Variants in REPS1 observed in about 807,000 individuals in gnomAD.
REPS1 encodes the protein ralBP1-associated Eps domain-containing protein 1.
A neutral mutation model predicts 100.9 loss-of-function variants in REPS1; 39 were observed. That is an observed-to-expected ratio of 0.39 (90% CI 0.30 to 0.50). The LOEUF is 0.50. REPS1 is among the 20% of genes least tolerant of loss of function. The probability of loss-of-function intolerance (pLI) is 0.86; values close to 1 mark genes in which losing one functional copy is unlikely to be tolerated. For missense variants in REPS1, 821 were observed against 968.5 expected, an observed-to-expected ratio of 0.85 and a Z score of 2.02; for synonymous variants, 324 against 340.3, an observed-to-expected ratio of 0.95 and a Z score of 0.53.
chr6:138,928,746 G>A (rs1781301493), intron 9 of REPS1: 1 of 152,088 alleles, frequency 6.6e-6, no homozygotes, highest in Non-Finnish European at 1.5e-5. Flanking sequence ...TGTAATACTG[G>A]TTTTTAAAAA....
chr6:138,969,058 G>C (rs1000259740), intron 1 of REPS1, among the ~76,000 whole-genome samples: 1 of 152,072 alleles, frequency 6.6e-6, no homozygotes, highest in Non-Finnish European at 1.5e-5. Flanking sequence ...ATATTGTATA[G>C]AATGTGCTAA....
chr6:138,944,194 C>T (rs1052533257), intron 5 of REPS1, among the ~76,000 whole-genome samples, 179 bp from the exon 6 acceptor site: 2 of 152,142 alleles, frequency 1.3e-5, no homozygotes, highest in Middle Eastern at 3.4e-3. Context: ...ATTATAGAAA[C>T]GAGTAGAATG....
chr6:138,947,527 T>C (rs1262366106), intron 2 of REPS1, among the ~76,000 whole-genome samples: 4 of 152,192 alleles, frequency 2.6e-5, no homozygotes, highest in Admixed American at 2.6e-4. Context: ...TTTTGGTAAA[T>C]TAATTCTTAA....
chr6:138,903,904 C>T lies in REPS1; in HGVS notation c.*1160G>A, dbSNP rs1034307147. 3.9e-5 allele frequency: 6 copies of T among 152,106 alleles called. No individual in the cohort carries two copies. Among genetic ancestry groups the T allele is most frequent in the Admixed American group, 3.9e-4 (6 of 15,284 alleles). 9.4% of individuals were successfully genotyped at this position (152,106 alleles called of 1,614,324 possible). ...TTTACAGTAACAAAGTCTATCGGTGCAGTTTAGGACTGTGAATCTATAGTA... is the reference window on the plus strand; with the variant it reads ...TTTACAGTAACAAAGTCTATCGGTGTAGTTTAGGACTGTGAATCTATAGTA... On this transcript the variant is annotated 3_prime_UTR_variant, in exon 20 of 20. Coordinates refer to ENST00000450536, the MANE Select transcript of REPS1 (RefSeq NM_001286611.2).
chr6:138,942,378 A>G (rs1317044904), intron 7 of REPS1, among the ~76,000 whole-genome samples: 2 of 152,216 alleles, frequency 1.3e-5, no homozygotes, highest in African/African-American at 4.8e-5. Flanking sequence ...ATTAAAAATG[A>G]TTTAGAATAT....
intron 7 of REPS1, among the ~76,000 whole-genome samples, chr6:138,942,443 G>A (rs1782325558): frequency 6.6e-6 from 1 of 151,834 alleles, no homozygotes; most frequent in Non-Finnish European, 1.5e-5. Context: ...TCTGATAATC[G>A]TTTTTTATTT....
intron 2 of REPS1, among the ~76,000 whole-genome samples, chr6:138,947,035 GCTCTCTCTCTCTCTCTCTCTCTCT>G (rs10581264): frequency 2.9e-5 from 4 of 137,636 alleles, no homozygotes; most frequent in African/African-American, 5.6e-5. Flanking sequence ...ATTCCCCCTT[GCTCTCTCTCTCTCTCTCTCTCTCT>G]CTCTCTCTCT....
At chr6:138,976,408 A>T (rs58309378) in intron 1 of REPS1, among the ~76,000 whole-genome samples, 8,512 of 152,220 alleles carry the variant, frequency 0.056, 437 homozygotes, top group East Asian at 0.16. Context: ...TTCAAAATAC[A>T]AAGACACCAA....
chr6:138,930,160 TTTAC>T (rs1781400244), intron 8 of REPS1, 62 bp from the exon 9 acceptor site: 5 of 1,414,204 alleles, frequency 3.5e-6, no homozygotes, highest in Admixed American at 4.0e-5. Flanking sequence ...TTTAGGCATA[TTTAC>T]TTATTAAAAA....
At chr6:138,954,476 C>T (rs945327857) in intron 1 of REPS1, among the ~76,000 whole-genome samples, 8 of 144,514 alleles carry the variant, frequency 5.5e-5, no homozygotes, top group Admixed American at 2.8e-4. Flanking sequence ...ATAAAATACA[C>T]TAAAACTAAC....
intron 1 of REPS1, among the ~76,000 whole-genome samples, chr6:138,971,238 T>C (rs949204738): frequency 6.6e-6 from 1 of 152,218 alleles, no homozygotes; most frequent in Non-Finnish European, 1.5e-5. Context: ...GGTCATTAGC[T>C]TTCAAAGTTT....
chr6:138,987,694 G>GCT lies in REPS1; in HGVS notation c.-14_-13dup. The GCT allele has an allele frequency of 6.5e-7, 1 of 1,534,908 alleles. No individual in the cohort carries two copies. The highest frequency in any genetic ancestry group is 8.8e-7 in the Non-Finnish European group (1 of 1,139,402). ...GTTAAGCCTTCCATCTTCGCCTCCG[G>GCT]CTCACGGCCGCCCCGCCCCGCATGC... On this transcript the variant is annotated 5_prime_UTR_variant, in exon 1 of 20. Coordinates refer to ENST00000450536, the MANE Select transcript of REPS1 (RefSeq NM_001286611.2).
rs1466523530 is a variant in REPS1 at position 138,987,739 on chromosome 6, C to A, written c.-57G>T. On this transcript the variant is annotated 5_prime_UTR_variant, in exon 1 of 20. Transcript: ENST00000450536. Reference sequence around the variant, plus strand: ...GCATGCACTACTCGGGGCCCGGCCCCAGGAACCTGGGCCGGCAGGGGCTGC... The same window carrying A: ...GCATGCACTACTCGGGGCCCGGCCCAAGGAACCTGGGCCGGCAGGGGCTGC... The A allele has an allele frequency of 3.4e-6, 5 of 1,453,546 alleles. No homozygotes were observed. Among genetic ancestry groups the A allele is most frequent in the Non-Finnish European group, 4.5e-6 (5 of 1,100,194 alleles). 90.0% of individuals were successfully genotyped at this position (1,453,546 alleles called of 1,614,324 possible). A position where few individuals can be genotyped will look rare whatever the true frequency, so the allele number is the denominator to read the frequency against.
intron 1 of REPS1, among the ~76,000 whole-genome samples, chr6:138,986,925 T>C (rs1785291670): frequency 6.6e-6 from 1 of 152,252 alleles, no homozygotes; most frequent in Non-Finnish European, 1.5e-5. Context: ...TTCGAATGCC[T>C]GTTGAAAAAC....
At chr6:138,939,617 T>A (rs1294729093) in intron 8 of REPS1, among the ~76,000 whole-genome samples, 1 of 152,194 alleles carries the variant, frequency 6.6e-6, no homozygotes, top group Non-Finnish European at 1.5e-5. Context: ...TTTCTTGTAT[T>A]ATTGTGCTGT....
intron 1 of REPS1, among the ~76,000 whole-genome samples, chr6:138,971,605 G>T (rs1399060510): frequency 6.6e-6 from 1 of 152,182 alleles, no homozygotes; most frequent in Non-Finnish European, 1.5e-5. Context: ...AAAAGTGGGG[G>T]TAGGTAAGGG....
In REPS1 at chr6:138,937,224, A is replaced by G. The variant is rs180883289; in HGVS notation, c.1135+4111T>C. Among the ~76,000 whole-genome samples the G allele has an allele frequency of 5.3e-5, 8 of 152,302 alleles. No homozygotes were observed. The East Asian group carries it at 1.4e-3, about 26-fold the overall frequency. ...CTCCCACCGGGTCCCTCCCACAAAC[A>G]TAAGAATTCAAGATGAGATTTGGGT... On this transcript the variant is annotated intron_variant, in intron 8 of 19. Coordinates refer to ENST00000450536, the MANE Select transcript of REPS1 (RefSeq NM_001286611.2).
At chr6:138,907,331 T>C in intron 19 of REPS1, 164 bp downstream of exon 19, 1 of 477,394 alleles carries the variant, frequency 2.1e-6, no homozygotes, top group East Asian at 3.4e-5. Context: ...TGTGTGTGTG[T>C]GTGTGTGTGG....
intron 1 of REPS1, among the ~76,000 whole-genome samples, chr6:138,956,829 G>C (rs532110372): frequency 1.3e-5 from 2 of 150,934 alleles, no homozygotes; most frequent in East Asian, 1.9e-4. Context: ...AAACCACACA[G>C]AGGGAAAGAA....
Sources: allele counts gnomAD v4.1 joint callset (sites outside exome capture counted in the v4.1 genomes callset), GRCh38; gene constraint gnomAD v4.1.1; transcripts MANE v1.5; gene names NCBI Gene and HGNC (gene_info 2026-07-23, HGNC 2026-07-21).